The following TMPRSS15 variants were observed in gnomAD, a reference collection of about 807,000 sequenced individuals.
The protein encoded by TMPRSS15 is transmembrane serine protease 15, also known as enteropeptidase.
TMPRSS15 carries 128 observed loss-of-function variants against 125.3 expected under a neutral mutation model. The observed-to-expected ratio is 1.02, with a 90% CI of 0.89 to 1.18. The LOEUF is 1.18. Ranked by LOEUF, TMPRSS15 falls within the 50% of genes most tolerant of loss-of-function variation. The pLI is 0.00. For synonymous variants in TMPRSS15, 446 were observed against 423.2 expected (o/e 1.05, Z -0.66); for missense variants, 1,283 against 1,212.7 (o/e 1.06, Z -0.86).
intron 6 of TMPRSS15, among the ~76,000 whole-genome samples, chr21:18,365,641 T>TC (rs1200585501): frequency 1.4e-4 from 15 of 109,334 alleles, no homozygotes; most frequent in Non-Finnish European, 2.2e-4. Context: ...TTTCTCTCTC[T>TC]TTTTCCTCCC....
chr21:18,275,827 T>A (rs2146857364), intron 23 of TMPRSS15, among the ~76,000 whole-genome samples: 1 of 152,316 alleles, frequency 6.6e-6, no homozygotes, highest in Non-Finnish European at 1.5e-5. Flanking sequence ...AGATGAACTA[T>A]GCCCTGGTCT....
chr21:18,444,220 T>C (rs965385306), intron 1 of TMPRSS15, among the ~76,000 whole-genome samples: 3 of 152,148 alleles, frequency 2.0e-5, no homozygotes, highest in Non-Finnish European at 4.4e-5. Context: ...ATAGCAAAGA[T>C]ACGGAATCAA....
intron 1 of TMPRSS15, among the ~76,000 whole-genome samples, chr21:18,448,223 T>C (rs2076259653): frequency 6.6e-6 from 1 of 152,208 alleles, no homozygotes; most frequent in Admixed American, 6.5e-5. Context: ...CATTTGGTTT[T>C]CTGAGAATGT....
At chr21:18,447,363 C>G (rs906261387) in intron 1 of TMPRSS15, among the ~76,000 whole-genome samples, 2 of 143,052 alleles carry the variant, frequency 1.4e-5, no homozygotes, top group Non-Finnish European at 3.0e-5. Context: ...TTGCTTGAAC[C>G]CGGGAGGCAG....
chr21:18,393,377 A>T (rs2076006832), intron 3 of TMPRSS15, among the ~76,000 whole-genome samples: 4 of 152,216 alleles, frequency 2.6e-5, no homozygotes, highest in African/African-American at 7.2e-5. Flanking sequence ...ACTAATAATC[A>T]TGATTATTTA....
intron 1 of TMPRSS15, among the ~76,000 whole-genome samples, chr21:18,457,361 C>T (rs563459538): frequency 1.3e-5 from 2 of 152,136 alleles, no homozygotes; most frequent in East Asian, 3.9e-4. Context: ...CGTTTCTCAC[C>T]TACCCCAACT....
At chr21:18,416,418 A>G (rs1289779343) in intron 1 of TMPRSS15, among the ~76,000 whole-genome samples, 2 of 152,080 alleles carry the variant, frequency 1.3e-5, no homozygotes, top group African/African-American at 4.8e-5. Context: ...ACTTTTTCAG[A>G]ATATCCTAGA....
intron 8 of TMPRSS15, among the ~76,000 whole-genome samples, chr21:18,355,931 G>T (rs569122232): frequency 6.6e-6 from 1 of 151,878 alleles, no homozygotes; most frequent in South Asian, 2.1e-4. Context: ...CAGAGTAATA[G>T]AATTTGCCTA....
At chr21:18,400,025 A>T (rs1442469787) in intron 1 of TMPRSS15, among the ~76,000 whole-genome samples, 1 of 152,104 alleles carries the variant, frequency 6.6e-6, no homozygotes, top group African/African-American at 2.4e-5. Context: ...CTCACCAAGG[A>T]TATAAAAGAG....
At chr21:18,406,186 G>A (rs892221231), upstream of TMPRSS15, among the ~76,000 whole-genome samples, 4 of 152,126 alleles carry the variant, frequency 2.6e-5, no homozygotes, top group Admixed American at 6.6e-5. Flanking sequence ...TAGGCATCTG[G>A]AACATAAGTC....
chr21:18,342,171 T>A (rs1277098882), intron 12 of TMPRSS15, among the ~76,000 whole-genome samples: 1 of 152,168 alleles, frequency 6.6e-6, no homozygotes, highest in Non-Finnish European at 1.5e-5. Flanking sequence ...CATATTAGGT[T>A]CTCAGGAACA....
chr21:18,365,645 TCCTCCCTTCCTTCCTTCCTTCCTTCC>T (rs1264501058), intron 6 of TMPRSS15, among the ~76,000 whole-genome samples: 3 of 102,854 alleles, frequency 2.9e-5, no homozygotes, highest in Admixed American at 1.0e-4. Flanking sequence ...TCTCTCTTTT[TCCTCCCTTCCTTCCTTCCTTCCTTCC>T]TTCCTTCCTT....
At chr21:18,346,075 T>C (rs1301338614) in intron 10 of TMPRSS15, among the ~76,000 whole-genome samples, 1 of 152,078 alleles carries the variant, frequency 6.6e-6, no homozygotes, top group East Asian at 1.9e-4. Flanking sequence ...TAGAATTGCA[T>C]ATTATTGAAT....
intron 16 of TMPRSS15, among the ~76,000 whole-genome samples, chr21:18,316,656 G>T (rs1299654798): frequency 6.6e-6 from 1 of 152,216 alleles, no homozygotes; most frequent in Non-Finnish European, 1.5e-5. Flanking sequence ...AAACTGGGTA[G>T]ATCTGGAGGC....
chr21:18,466,955 C>T lies in TMPRSS15; in HGVS notation c.10+18844G>A, dbSNP rs189859797. Among the ~76,000 whole-genome samples the T allele has an allele frequency of 2.6e-5, 4 of 152,236 alleles. No homozygotes were observed. The East Asian group carries it at 7.7e-4, about 29-fold the overall frequency. ...AATCATTCTACTATAAAGACACATG[C>T]ACATGTATGTTTATTGCAGCACTGT... is the stretch of plus-strand genomic sequence containing the variant. On this transcript the variant is annotated intron_variant, in intron 1 of 7. Coordinates refer to the TMPRSS15 transcript ENST00000422787.
At chr21:18,377,632 G>A (rs1243474870) in intron 5 of TMPRSS15, among the ~76,000 whole-genome samples, 2 of 152,194 alleles carry the variant, frequency 1.3e-5, no homozygotes, top group South Asian at 2.1e-4. Flanking sequence ...TAGGTAATGC[G>A]TGAATTCACC....
At chr21:18,286,262 C>T (rs2074762447) in intron 21 of TMPRSS15, among the ~76,000 whole-genome samples, 1 of 152,002 alleles carries the variant, frequency 6.6e-6, no homozygotes, top group East Asian at 1.9e-4. Context: ...CTGCCTTCGG[C>T]CTTCTCTTTT....
In TMPRSS15 at chr21:18,380,466, A is replaced by T. The variant is rs2075882917; in HGVS notation, c.497-1148T>A. 6.8e-6 allele frequency: 3 copies of T among 439,050 alleles called. No individual in the cohort carries two copies. The Admixed American group carries it at 7.5e-5, about 11-fold the overall frequency. 27.2% of individuals were successfully genotyped at this position (439,050 alleles called of 1,614,324 possible). On this transcript the variant is annotated intron_variant, in intron 4 of 24. Coordinates refer to ENST00000284885, the MANE Select transcript of TMPRSS15 (RefSeq NM_002772.3). ...TGCCTCAGAAATAGCTGCAAGAAAA[A>T]AATGTATATTTTCCTAGGTGATAGA...
chr21:18,371,694 TAAAAGG>T (rs1254467983), intron 6 of TMPRSS15, among the ~76,000 whole-genome samples: 4 of 152,016 alleles, frequency 2.6e-5, no homozygotes, highest in Admixed American at 6.6e-5. Flanking sequence ...AAGAGGCAAA[TAAAAGG>T]AACAGTCAAA....
Sources: gnomAD v4.1 joint callset for allele counts (sites outside exome capture counted in the v4.1 genomes callset) on GRCh38, gnomAD v4.1.1 for gene constraint, MANE v1.5 for transcripts, NCBI Gene and HGNC (gene_info 2026-07-23, HGNC 2026-07-21) for gene names.